CYP4F2: variants seen among roughly 807,000 people sequenced by gnomAD.
CYP4F2 encodes cytochrome P450 4F2.
CYP4F2 carries 58 observed loss-of-function variants against 58.9 expected under a neutral mutation model. That is an observed-to-expected ratio of 0.98 (90% CI 0.80 to 1.23). The LOEUF is 1.23. Ranked by LOEUF, CYP4F2 falls within the 50% of genes most tolerant of loss-of-function variation. CYP4F2 has a pLI of 0.00. For missense variants in CYP4F2, 616 were observed against 685.6 expected (o/e 0.90, Z 1.13); for synonymous variants, 287 against 261.1 (o/e 1.10, Z -0.95).
Position 15,889,458 on chromosome 19 carries a change from T to C in CYP4F2, c.883A>G (p.Thr295Ala), listed in dbSNP as rs1233450803. 6.2e-7 allele frequency: 1 copy of C among 1,614,076 alleles called. No homozygotes were observed. The highest frequency in any genetic ancestry group is 1.7e-5 in the Admixed American group (1 of 60,008). The change falls in exon 7 of 13, where the codon ACT (threonine) becomes GCT (alanine). Residue 295 changes from threonine (T) to alanine (A), a missense_variant. Physicochemically the swap from Thr to Ala is moderately conservative, Grantham distance 58. Coordinates refer to ENST00000221700, the MANE Select transcript of CYP4F2 (RefSeq NM_001082.5). ...DFLQAKAKSK[T>A]LDFIDVLLLS... ...AGGAGTACATCAATGAAGTCCAAAG[T>C]CTTGGATTTGGCCTTGGCTTGGAGG...
At position 15,880,623 on chromosome 19, in the gene CYP4F2, C is replaced by A. The variant is rs3093195; in HGVS notation, c.1116-726G>T. On this transcript the variant is annotated intron_variant, in intron 9 of 12. Coordinates refer to ENST00000221700, the MANE Select transcript of CYP4F2 (RefSeq NM_001082.5). ...AACCTGGGCGATAGAGACTGCATCT[C>A]AAAAAAAAAAAATCAATTTTAATAC... 8.2e-4 allele frequency among the ~76,000 whole-genome samples: 115 copies of A among 140,014 alleles called. 1 individual carries two copies. Among genetic ancestry groups the A allele is most frequent in the South Asian group, 1.4e-3 (6 of 4,328 alleles). The allele number at this position is 140,014 out of a possible 152,430, so 91.9% of individuals were successfully genotyped here.
intron 7 of CYP4F2, among the ~76,000 whole-genome samples, chr19:15,886,660 T>C (rs2089382053): frequency 6.6e-6 from 1 of 152,266 alleles, no homozygotes; most frequent in East Asian, 1.9e-4. Context: ...GCTTCAAAGA[T>C]TTGCCCACAT....
At chr19:15,897,318 T>TA in intron 2 of CYP4F2, 96 bp downstream of exon 2, 11 of 1,112,514 alleles carry the variant, frequency 9.9e-6, no homozygotes, top group East Asian at 2.7e-5. Flanking sequence ...CCACCCCAGA[T>TA]CCCAGCCCAC....
chr19:15,895,450 G>C (rs2145015249), intron 3 of CYP4F2, 56 bp downstream of exon 3: 3 of 1,458,090 alleles, frequency 2.1e-6, no homozygotes, highest in African/African-American at 1.5e-5. Context: ...GGAGCTTGGG[G>C]ATAGCGGAAG....
Position 15,878,353 on chromosome 19 carries a change from T to G in CYP4F2, c.*418A>C. Reference sequence around the variant, plus strand: ...CCAATCCGCTATGCATCTCTTCAGATTGGCCTGTTCTGGAAATTTCGTATA... The same window carrying G: ...CCAATCCGCTATGCATCTCTTCAGAGTGGCCTGTTCTGGAAATTTCGTATA... On this transcript the variant is annotated 3_prime_UTR_variant, in exon 13 of 13. Transcript: ENST00000221700. The G allele has an allele frequency of 6.1e-6, 1 of 163,722 alleles. No homozygotes were observed. The highest frequency in any genetic ancestry group is 1.3e-5 in the Non-Finnish European group (1 of 75,384). The allele number at this position is 163,722 out of a possible 1,614,324, so 10.1% of individuals were successfully genotyped here.
At chr19:15,896,735 C>A (rs1377286933) in intron 2 of CYP4F2, among the ~76,000 whole-genome samples, 2 of 152,198 alleles carry the variant, frequency 1.3e-5, no homozygotes. Flanking sequence ...GTGCACCCTT[C>A]CACTTTATCT....
intron 5 of CYP4F2, among the ~76,000 whole-genome samples, chr19:15,891,487 C>T (rs3093144): frequency 0.18 from 27,365 of 152,016 alleles, 2,540 homozygotes; most frequent in Middle Eastern, 0.32. Context: ...CTAGATACTT[C>T]GCAAAACCTT....
chr19:15,895,502 G>C lies in CYP4F2; in HGVS notation c.343+4C>G. 1 of 1,512,144 alleles carries C rather than the reference G, an allele frequency of 6.6e-7. No individual in the cohort carries two copies. Among genetic ancestry groups the C allele is most frequent in the Admixed American group, 2.6e-5 (1 of 37,960 alleles). The allele number at this position is 1,512,144 out of a possible 1,614,324, so 93.7% of individuals were successfully genotyped here. A position where few individuals can be genotyped will look rare whatever the true frequency, so the allele number is the denominator to read the frequency against. ...ACTGCCCCACCAGCTGTTCCAGATG[G>C]TACCTGAGGCGTTGATGACAGACCG... is the stretch of plus-strand genomic sequence containing the variant. On this transcript the variant is annotated splice_donor_region_variant and intron_variant, in intron 3 of 12. Coordinates refer to ENST00000221700, the MANE Select transcript of CYP4F2 (RefSeq NM_001082.5).
intron 9 of CYP4F2, among the ~76,000 whole-genome samples, chr19:15,883,638 G>T (rs762823963): frequency 2.6e-5 from 4 of 152,144 alleles, no homozygotes; most frequent in Non-Finnish European, 4.4e-5. Flanking sequence ...AGAAAGAGAA[G>T]AAATTTCTAT....
intron 9 of CYP4F2, 53 bp downstream of exon 9, chr19:15,885,871 G>T: frequency 6.3e-7 from 1 of 1,585,682 alleles, no homozygotes; most frequent in Admixed American, 1.8e-5. Flanking sequence ...CCCACCTGGG[G>T]AGCAGAGCCA....
In CYP4F2 at chr19:15,878,368, A is replaced by G. The variant is rs2089318705; in HGVS notation, c.*403T>C. 5.9e-6 allele frequency: 1 copy of G among 168,270 alleles called. No homozygotes were observed. The highest frequency in any genetic ancestry group is 1.3e-5 in the Non-Finnish European group (1 of 78,442). 10.4% of individuals were successfully genotyped at this position (168,270 alleles called of 1,614,324 possible). On this transcript the variant is annotated 3_prime_UTR_variant, in exon 13 of 13. Coordinates refer to ENST00000221700, the MANE Select transcript of CYP4F2 (RefSeq NM_001082.5). ...TCTCTTCAGATTGGCCTGTTCTGGA[A>G]ATTTCGTATAAAAGGACAGTACACT...
At position 15,878,559 on chromosome 19, in the gene CYP4F2, G is replaced by A. The variant is rs932712807; in HGVS notation, c.*212C>T. On this transcript the variant is annotated 3_prime_UTR_variant, in exon 13 of 13. Coordinates refer to ENST00000221700, the MANE Select transcript of CYP4F2 (RefSeq NM_001082.5). ...CTTTCATCTGGTAATATATAGCTTG[G>A]GGTTGTTTTCATCGTTTGGCTACTG... 1.3e-5 allele frequency: 10 copies of A among 751,498 alleles called. No individual in the cohort carries two copies. Among genetic ancestry groups the A allele is most frequent in the Non-Finnish European group, 2.1e-5 (10 of 477,732 alleles). The allele number at this position is 751,498 out of a possible 1,614,324, so 46.6% of individuals were successfully genotyped here.
Position 15,897,409 on chromosome 19 carries a change from C to T in CYP4F2, c.198+5G>A. ...GACCTAGACCCATCCTGCTGCCACA[C>T]TCACCATGCCCTGGTGTCCCCAAAA... On this transcript the variant is annotated splice_donor_5th_base_variant and intron_variant, in intron 2 of 12. Coordinates refer to ENST00000221700, the MANE Select transcript of CYP4F2 (RefSeq NM_001082.5). 1.2e-6 allele frequency: 2 copies of T among 1,612,412 alleles called. No homozygotes were observed.
intron 5 of CYP4F2, 41 bp downstream of exon 5, chr19:15,892,268 C>T (rs761968366): frequency 1.9e-6 from 3 of 1,613,284 alleles, no homozygotes; most frequent in Non-Finnish European, 2.5e-6. Flanking sequence ...TGTCCTTTCA[C>T]CCCAAGGCTG....
At chr19:15,889,230 T>C (rs1391321699) in intron 7 of CYP4F2, among the ~76,000 whole-genome samples, 193 bp downstream of exon 7, 1 of 152,114 alleles carries the variant, frequency 6.6e-6, no homozygotes, top group Non-Finnish European at 1.5e-5. Flanking sequence ...GACTTGTCAG[T>C]TTCAAGCCTA....
At chr19:15,889,081 C>CACAAACTCA (rs1438724195) in intron 7 of CYP4F2, among the ~76,000 whole-genome samples, 2 of 152,144 alleles carry the variant, frequency 1.3e-5, no homozygotes, top group African/African-American at 4.8e-5. Context: ...GTCATAGAGA[C>CACAAACTCA]ACAAACTCAA....
intron 9 of CYP4F2, among the ~76,000 whole-genome samples, chr19:15,884,247 CA>C (rs1470605468): frequency 1.3e-5 from 2 of 151,810 alleles, no homozygotes; most frequent in Non-Finnish European, 2.9e-5. Flanking sequence ...GTAAATAAGC[CA>C]AAAAGAGAAA....
In CYP4F2 at chr19:15,892,630, G is replaced by A. The variant is rs376829189; in HGVS notation, c.344-48C>T. ...GGGGCCATGGAGGCAGGTGAAAGAGGGACTTTGGGGGTGGGTGGAGGCTCC... is the reference window on the plus strand; with the variant it reads ...GGGGCCATGGAGGCAGGTGAAAGAGAGACTTTGGGGGTGGGTGGAGGCTCC... On this transcript the variant is annotated intron_variant, in intron 3 of 12. Transcript: ENST00000221700. 4 of 1,594,268 alleles carry A rather than the reference G, an allele frequency of 2.5e-6. No homozygotes were observed. In the African/African-American group the frequency reaches 5.4e-5, roughly 21 times the overall value.
At position 15,879,300 on chromosome 19, in the gene CYP4F2, C is replaced by T. The variant is rs779706466; in HGVS notation, c.1397+46G>A. The T allele has an allele frequency of 1.4e-5, 23 of 1,606,438 alleles. No individual in the cohort carries two copies. In the Admixed American group the frequency reaches 2.3e-4, roughly 16 times the overall value. ...TTTCCCCACTGTCATGCCCAGACCC[C>T]TGCACCCATCAACCCGTTCCCACCT... On this transcript the variant is annotated intron_variant, in intron 12 of 12. Transcript: ENST00000221700.
Sources: allele counts gnomAD v4.1 joint callset (sites outside exome capture counted in the v4.1 genomes callset), GRCh38; gene constraint gnomAD v4.1.1; transcripts MANE v1.5; gene names NCBI Gene and HGNC (gene_info 2026-07-23, HGNC 2026-07-21).